FANCB: variants seen among roughly 807,000 people sequenced by gnomAD.
The protein encoded by FANCB is Fanconi anemia group B protein.
A neutral mutation model predicts 38.9 loss-of-function variants in FANCB; 5 were observed. The ratio of observed to expected loss-of-function variants is 0.13; its 90% CI spans 0.07 to 0.27. The LOEUF (loss-of-function observed/expected upper bound fraction) is 0.27, where lower values mean the gene tolerates loss of function less well. Ranked by LOEUF, FANCB falls within the 10% of genes least tolerant of loss-of-function variation. The pLI is 1.00. For missense variants in FANCB, 573 were observed against 602.7 expected, an observed-to-expected ratio of 0.95 and a Z score of 0.52; for synonymous variants, 236 against 215.4, an observed-to-expected ratio of 1.10 and a Z score of -0.84.
chrX:14,853,539 T>C (rs935858277), intron 5 of FANCB, among the ~76,000 whole-genome samples: 2 of 111,884 alleles, frequency 1.8e-5, no homozygotes, highest in Non-Finnish European at 3.8e-5. Flanking sequence ...TTTGAAATAG[T>C]TTCTGCTTCA....
the FANCB span, among the ~76,000 whole-genome samples, chrX:14,713,557 C>A: frequency 8.9e-6 from 1 of 112,031 alleles, no homozygotes; most frequent in African/African-American, 3.2e-5. Context: ...GAAAGCCAAA[C>A]AACTATTTTT....
At chrX:14,754,931 C>T in the FANCB span, among the ~76,000 whole-genome samples, 15 of 111,382 alleles carry the variant, frequency 1.3e-4, no homozygotes, top group South Asian at 2.6e-3. Context: ...TGAATATAGA[C>T]GCAAAAATCC....
At chrX:14,862,516 C>T (rs1027277481) in intron 3 of FANCB, among the ~76,000 whole-genome samples, 2 of 111,741 alleles carry the variant, frequency 1.8e-5, no homozygotes, top group Non-Finnish European at 3.8e-5. Context: ...TTACAGGGTC[C>T]AAGCAGGGGA....
intron 6 of FANCB, 22 bp from the exon 7 acceptor site, chrX:14,850,696 A>G (rs781062442): frequency 3.6e-5 from 36 of 1,012,300 alleles, no homozygotes; most frequent in Non-Finnish European, 4.8e-5. Context: ...AGTTTAAATA[A>G]CTGATTATAA....
At chrX:14,788,583 G>A in the FANCB span, among the ~76,000 whole-genome samples, 786 of 111,956 alleles carry the variant, frequency 7.0e-3, 8 homozygotes, top group African/African-American at 0.024. Flanking sequence ...AGCCTAACAC[G>A]GCATCAGCTG....
the FANCB span, among the ~76,000 whole-genome samples, chrX:14,818,679 T>TA: frequency 1.8e-5 from 2 of 111,826 alleles, no homozygotes; most frequent in Non-Finnish European, 3.8e-5. Context: ...ATAAACCCAT[T>TA]AAAAAAGCAA....
At chrX:14,691,862 T>G in the FANCB span, among the ~76,000 whole-genome samples, 1 of 112,308 alleles carries the variant, frequency 8.9e-6, no homozygotes, top group Non-Finnish European at 1.9e-5. Flanking sequence ...ACATTTTATG[T>G]ACAGTAGAGA....
chrX:14,752,506 A>T, the FANCB span, among the ~76,000 whole-genome samples: 3 of 112,536 alleles, frequency 2.7e-5, no homozygotes, highest in African/African-American at 9.7e-5. Context: ...TTGTTTTAAG[A>T]CATATAGTAT....
chrX:14,699,075 C>T, the FANCB span, among the ~76,000 whole-genome samples: 3 of 112,101 alleles, frequency 2.7e-5, no homozygotes, highest in East Asian at 2.8e-4. Flanking sequence ...GAAACAATCA[C>T]GCCCAGATCT....
the FANCB span, among the ~76,000 whole-genome samples, chrX:14,826,432 T>C: frequency 4.5e-5 from 5 of 112,339 alleles, no homozygotes; most frequent in East Asian, 2.8e-4. Context: ...CAGCTCTCCA[T>C]TGCCTTTAAG....
chrX:14,772,175 C>T, the FANCB span, among the ~76,000 whole-genome samples: 1 of 111,124 alleles, frequency 9.0e-6, no homozygotes, highest in Non-Finnish European at 1.9e-5. Flanking sequence ...GTCCAGACCA[C>T]CTGTATTCTC....
chrX:14,764,692 G>C, the FANCB span, among the ~76,000 whole-genome samples: 1 of 111,203 alleles, frequency 9.0e-6, no homozygotes, highest in Non-Finnish European at 1.9e-5. Flanking sequence ...CATAGATGTG[G>C]GAGCCAACCT....
At chrX:14,852,529 TAGA>T (rs1407383822) in intron 6 of FANCB, among the ~76,000 whole-genome samples, 1 of 110,719 alleles carries the variant, frequency 9.0e-6, no homozygotes, top group Non-Finnish European at 1.9e-5. Flanking sequence ...GAAAAGCAGA[TAGA>T]AGGACTAAAA....
downstream of FANCB, among the ~76,000 whole-genome samples, chrX:14,833,675 G>GA (rs1555903256): frequency 7.7e-5 from 1 of 12,981 alleles, no homozygotes; most frequent in Admixed American, 1.1e-3. Context: ...GGCTGGGTGT[G>GA]GGGGGGGTTC....
the FANCB span, among the ~76,000 whole-genome samples, chrX:14,774,335 T>A: frequency 8.9e-6 from 1 of 111,913 alleles, no homozygotes; most frequent in Non-Finnish European, 1.9e-5. Flanking sequence ...TTTTAAAATA[T>A]GGAGCTGATA....
the FANCB span, among the ~76,000 whole-genome samples, chrX:14,750,984 C>A: frequency 1.8e-5 from 2 of 110,725 alleles, no homozygotes; most frequent in African/African-American, 6.6e-5. Flanking sequence ...TTATTTAACC[C>A]TTCCAAACTT....
Position 14,843,528 on chromosome X carries a change from G to A in FANCB, c.*39C>T, listed in dbSNP as rs769023794. The A allele has an allele frequency of 5.0e-5, 52 of 1,048,066 alleles. No individual in the cohort carries two copies. The highest frequency in any genetic ancestry group is 6.7e-5 in the Non-Finnish European group (51 of 763,524). 86.4% of individuals were successfully genotyped at this position (1,048,066 alleles called of 1,213,427 possible). A position where few individuals can be genotyped will look rare whatever the true frequency, so the allele number is the denominator to read the frequency against. On this transcript the variant is annotated 3_prime_UTR_variant, in exon 10 of 10. Transcript: ENST00000650831. ...TAGAACCAAAATCTTATATGGTGGTGAAAACATATTTTAAAATATGATCAA... is the reference window on the plus strand; with the variant it reads ...TAGAACCAAAATCTTATATGGTGGTAAAAACATATTTTAAAATATGATCAA...
chrX:14,778,282 G>C, the FANCB span, among the ~76,000 whole-genome samples: 2 of 111,301 alleles, frequency 1.8e-5, no homozygotes, highest in East Asian at 2.8e-4. Flanking sequence ...TGATATTTCT[G>C]GTTTTCTTAA....
chrX:14,870,801 TA>T (rs1160063212), intron 1 of FANCB, among the ~76,000 whole-genome samples: 1 of 111,655 alleles, frequency 9.0e-6, no homozygotes, highest in Non-Finnish European at 1.9e-5. Context: ...CAGATTATCC[TA>T]GAAGAGCAGA....
Sources: gnomAD v4.1 joint callset for allele counts (sites outside exome capture counted in the v4.1 genomes callset) on GRCh38, gnomAD v4.1.1 for gene constraint, MANE v1.5 for transcripts, NCBI Gene and HGNC (gene_info 2026-07-23, HGNC 2026-07-21) for gene names.